OGDH: variants seen among roughly 807,000 people sequenced by gnomAD.
OGDH encodes oxoglutarate dehydrogenase.
A neutral mutation model predicts 116.6 loss-of-function variants in OGDH; 38 were observed. That is an observed-to-expected ratio of 0.33 (90% CI 0.25 to 0.43). OGDH has a LOEUF of 0.43. Ranked by LOEUF, OGDH falls within the 20% of genes least tolerant of loss-of-function variation. OGDH has a pLI of 1.00. For synonymous variants in OGDH, 488 were observed against 533.3 expected (o/e 0.92, Z 1.17); for missense variants, 825 against 1,357.2 (o/e 0.61, Z 6.16).
intron 2 of OGDH, among the ~76,000 whole-genome samples, chr7:44,628,627 G>A (rs1016979829): frequency 6.7e-6 from 1 of 149,920 alleles, no homozygotes; most frequent in African/African-American, 2.4e-5. Context: ...ATAAAAAAAT[G>A]TAAATAGAGA....
chr7:44,667,759 T>TGTTA (rs1787249442), intron 5 of OGDH, among the ~76,000 whole-genome samples: 1 of 152,196 alleles, frequency 6.6e-6, no homozygotes, highest in Non-Finnish European at 1.5e-5. Context: ...TGGCTATTAC[T>TGTTA]GTTACTTAAT....
rs1425187087 is a variant in OGDH, at chr7:44,614,868, G to A, written c.-28+8215G>A. Among the ~76,000 whole-genome samples, 11 of 129,260 alleles carry A rather than the reference G, an allele frequency of 8.5e-5. No homozygotes were observed. The South Asian group carries it at 2.4e-3, about 28-fold the overall frequency. 84.8% of individuals were successfully genotyped at this position (129,260 alleles called of 152,430 possible). On this transcript the variant is annotated intron_variant, in intron 1 of 22. Transcript: ENST00000222673. ...TTTTTTTTTTTTGAGATGAAGTCTC[G>A]CTCTGTCGCCCAGGCTGGAGTGCAG...
chr7:44,690,419 A>G (rs1335708483), intron 10 of OGDH, among the ~76,000 whole-genome samples: 2 of 152,236 alleles, frequency 1.3e-5, no homozygotes. Flanking sequence ...CTACTAAAAC[A>G]CTAACTCCCA....
chr7:44,609,567 A>G (rs1747795244), intron 1 of OGDH, among the ~76,000 whole-genome samples: 1 of 151,652 alleles, frequency 6.6e-6, no homozygotes, highest in South Asian at 2.1e-4. Context: ...CTATTGGGCT[A>G]TGGATGTACC....
At chr7:44,679,531 AG>A (rs1324570536) in intron 9 of OGDH, among the ~76,000 whole-genome samples, 1 of 152,222 alleles carries the variant, frequency 6.6e-6, no homozygotes, top group Non-Finnish European at 1.5e-5. Context: ...GCTGAGGACC[AG>A]GGTAATCACA....
chr7:44,682,074 C>T (rs964372225), intron 10 of OGDH, among the ~76,000 whole-genome samples: 2 of 152,070 alleles, frequency 1.3e-5, no homozygotes, highest in Non-Finnish European at 2.9e-5. Flanking sequence ...TAGTGAGACC[C>T]CCTTTCTCTG....
chr7:44,699,425 C>CAAA (rs59695480), intron 18 of OGDH, among the ~76,000 whole-genome samples: 5 of 67,650 alleles, frequency 7.4e-5, no homozygotes, highest in Admixed American at 1.7e-4. Flanking sequence ...ACTCCTGTCT[C>CAAA]AAAAAAAAAA....
intron 9 of OGDH, among the ~76,000 whole-genome samples, chr7:44,678,361 A>G (rs770372479): frequency 3.4e-4 from 52 of 152,196 alleles, no homozygotes; most frequent in Non-Finnish European, 6.8e-4. Flanking sequence ...TGATTCCCAC[A>G]TTCATAGATT....
At chr7:44,648,095 C>A (rs2115816355) in intron 4 of OGDH, among the ~76,000 whole-genome samples, 1 of 152,336 alleles carries the variant, frequency 6.6e-6, no homozygotes, top group Admixed American at 6.5e-5. Flanking sequence ...AATGTCAGTG[C>A]AGCACTGCCT....
intron 10 of OGDH, among the ~76,000 whole-genome samples, chr7:44,683,186 A>C (rs1261260214): frequency 2.0e-5 from 3 of 152,108 alleles, no homozygotes. Context: ...AAAAGAAAAA[A>C]ATAGATTTTA....
chr7:44,704,012 T>C (rs1788957049), intron 20 of OGDH, among the ~76,000 whole-genome samples: 2 of 152,246 alleles, frequency 1.3e-5, no homozygotes, highest in Non-Finnish European at 2.9e-5. Flanking sequence ...GGAGCTGCTA[T>C]GAACATTGGT....
intron 3 of OGDH, among the ~76,000 whole-genome samples, chr7:44,646,218 A>G (rs1275010836): frequency 1.3e-5 from 2 of 152,186 alleles, no homozygotes; most frequent in East Asian, 3.8e-4. Context: ...ACAGGTAGAG[A>G]CAAGTGAGCC....
intron 4 of OGDH, among the ~76,000 whole-genome samples, chr7:44,662,558 G>C (rs1364366521): frequency 6.6e-6 from 1 of 151,482 alleles, no homozygotes; most frequent in Non-Finnish European, 1.5e-5. Context: ...CGCCTCCTGG[G>C]TTCAAGCGAT....
intron 18 of OGDH, among the ~76,000 whole-genome samples, chr7:44,698,526 G>A (rs1788687655): frequency 6.6e-6 from 1 of 152,156 alleles, no homozygotes; most frequent in Non-Finnish European, 1.5e-5. Flanking sequence ...GAAACGCCAT[G>A]TGAGCTCCTC....
In OGDH at chr7:44,645,342, T is replaced by G. The variant is rs1243693441; in HGVS notation, c.238T>G (p.Phe80Val). The G allele has an allele frequency of 6.2e-7, 1 of 1,614,094 alleles. No homozygotes were observed. Among genetic ancestry groups the G allele is most frequent in the Non-Finnish European group, 8.5e-7 (1 of 1,179,982 alleles). ...TTGTCTTTAGTCATGGGACATTTTT[T>G]TTCGCAACACGAATGCCGGAGCCCC... ...KSVHKSWDIF[F>V]RNTNAGAPPG... The change falls in exon 3 of 23, where the codon TTT becomes GTT. Residue 80 changes from phenylalanine (F) to valine (V), a missense_variant. Physicochemically the swap from Phe to Val is conservative, Grantham distance 50. Coordinates refer to ENST00000222673, the MANE Select transcript of OGDH (RefSeq NM_002541.4).
chr7:44,707,527 A>G lies in OGDH; in HGVS notation c.2797-55A>G. On this transcript the variant is annotated intron_variant, in intron 21 of 22. Coordinates refer to ENST00000222673, the MANE Select transcript of OGDH (RefSeq NM_002541.4). The surrounding 1 kb of genome is among the most constrained non-coding windows in gnomAD (Gnocchi z 5.2). ...CGGAACACCAGTTTCCCTTTGCTGG[A>G]TCTTGCCTGCCCTCTGAGTTTCCTC... 5 of 1,605,646 alleles carry G rather than the reference A, an allele frequency of 3.1e-6. No individual in the cohort carries two copies. Among genetic ancestry groups the G allele is most frequent in the South Asian group, 1.1e-5 (1 of 90,566 alleles).
intron 4 of OGDH, among the ~76,000 whole-genome samples, chr7:44,661,483 TGCC>T (rs1786938833): frequency 6.6e-6 from 1 of 152,164 alleles, no homozygotes; most frequent in African/African-American, 2.4e-5. Context: ...GGCTCAAGTG[TGCC>T]ATTTTATTAT....
intron 2 of OGDH, among the ~76,000 whole-genome samples, chr7:44,641,193 G>C: frequency 7.0e-6 from 1 of 142,794 alleles, no homozygotes; most frequent in Non-Finnish European, 1.5e-5. Context: ...GAGCCACCAA[G>C]CCCAGCCTTT....
chr7:44,660,161 G>T lies in OGDH; in HGVS notation c.518-6575G>T, dbSNP rs140149578. ...TGTTTTTGAGGCAAGGTCTTGCTCT[G>T]TCATTCAGGCTATAGTGCAGTGGCA... On this transcript the variant is annotated intron_variant, in intron 4 of 22. Transcript: ENST00000222673. Among the ~76,000 whole-genome samples, 59 of 152,212 alleles carry T rather than the reference G, an allele frequency of 3.9e-4. No homozygotes were observed. In the East Asian group the frequency reaches 0.011, roughly 29 times the overall value.
Sources: allele counts gnomAD v4.1 joint callset (sites outside exome capture counted in the v4.1 genomes callset), GRCh38; gene constraint gnomAD v4.1.1; non-coding constraint Gnocchi (gnomAD v3.1); transcripts MANE v1.5; gene names NCBI Gene and HGNC (gene_info 2026-07-23, HGNC 2026-07-21).